GAS7: variants seen among roughly 807,000 people sequenced by gnomAD.
The protein encoded by GAS7 is growth arrest specific 7, also known as growth arrest-specific protein 7.
In GAS7, 28 loss-of-function variants were observed where a neutral mutation model predicts 71.1. The observed-to-expected ratio is 0.39, with a 90% CI of 0.29 to 0.54. The LOEUF is 0.54. Among genes scored for constraint, GAS7 ranks in the 20% least tolerant of loss-of-function variants. The probability of loss-of-function intolerance (pLI) is 0.62; values close to 1 mark genes in which losing one functional copy is unlikely to be tolerated. For missense variants in GAS7, 436 were observed against 627.8 expected, an observed-to-expected ratio of 0.69 and a Z score of 3.27; for synonymous variants, 258 against 245.8, an observed-to-expected ratio of 1.05 and a Z score of -0.46.
chr17:9,999,945 C>T (rs2071201148), intron 2 of GAS7, among the ~76,000 whole-genome samples: 1 of 152,144 alleles, frequency 6.6e-6, no homozygotes, highest in East Asian at 1.9e-4. Flanking sequence ...TTCATCCATG[C>T]AGAGGAATGG....
chr17:9,910,757 GTTA>G lies in GAS7; in HGVS notation c.*6468_*6470del. The G allele has an allele frequency of 7.6e-5, 17 of 222,338 alleles. No individual in the cohort carries two copies. Among genetic ancestry groups the G allele is most frequent in the African/African-American group, 3.6e-4 (16 of 44,630 alleles). The allele number at this position is 222,338 out of a possible 1,614,324, so 13.8% of individuals were successfully genotyped here. A position where few individuals can be genotyped will look rare whatever the true frequency, so the allele number is the denominator to read the frequency against. The stretch of plus-strand genomic sequence containing the variant: ...AGGGGGGTGGTGCGGGGGCAGGTGG[GTTA>G]CAGCCTCCACTGGGATCAGGGTTTC... On this transcript the variant is annotated 3_prime_UTR_variant, in exon 14 of 14. Coordinates refer to ENST00000432992, the MANE Select transcript of GAS7 (RefSeq NM_201433.2).
chr17:10,086,100 T>G (rs1272910188), intron 1 of GAS7, among the ~76,000 whole-genome samples: 2 of 152,080 alleles, frequency 1.3e-5, no homozygotes, highest in East Asian at 3.9e-4. Context: ...GGCGCGACCA[T>G]GAATGGGGGC....
chr17:10,056,772 ATCTCCCTCTCCCTCTCTTTCCACGG>A lies in GAS7; in HGVS notation c.184-36900_184-36876del, dbSNP rs1228313904. On this transcript the variant is annotated intron_variant, in intron 1 of 13. Transcript: ENST00000432992. ...CCTCCCCACGATCTCCCTCCCCACGATCTCCCTCTCCCTCTCTTTCCACGGTCTCCCTCTCCCTCTCTTTCCACGG... is the reference window on the plus strand; with the variant it reads ...CCTCCCCACGATCTCCCTCCCCACGATCTCCCTCTCCCTCTCTTTCCACGG... Among the ~76,000 whole-genome samples, 564 of 150,554 alleles carry A rather than the reference ATCTCCCTCTCCCTCTCTTTCCACGG, an allele frequency of 3.7e-3. 1 individual carries two copies. The highest frequency in any genetic ancestry group is 0.011 in the East Asian group (57 of 5,084).
At chr17:10,148,614 GAA>G (rs539823559) in intron 1 of GAS7, among the ~76,000 whole-genome samples, 8 of 70,380 alleles carry the variant, frequency 1.1e-4, no homozygotes, top group East Asian at 3.2e-4. Context: ...AAACACTCAA[GAA>G]AAAAAAAAAA....
chr17:10,065,279 A>C (rs2073269587), intron 1 of GAS7, among the ~76,000 whole-genome samples: 1 of 152,204 alleles, frequency 6.6e-6, no homozygotes. Flanking sequence ...TCTCTTCCAA[A>C]GATATCTGCA....
chr17:9,929,562 C>A (rs1248717056), intron 9 of GAS7, among the ~76,000 whole-genome samples: 1 of 152,182 alleles, frequency 6.6e-6, no homozygotes, highest in Non-Finnish European at 1.5e-5. Context: ...GCAAGCTCCA[C>A]CTCCCAGGTT....
At chr17:10,094,804 T>C (rs1026272842) in intron 1 of GAS7, among the ~76,000 whole-genome samples, 10 of 152,166 alleles carry the variant, frequency 6.6e-5, no homozygotes, top group African/African-American at 2.4e-4. Context: ...GCTAAAAACC[T>C]GCCTCACGAG....
At chr17:9,935,061 T>C (rs16959039) in intron 8 of GAS7, among the ~76,000 whole-genome samples, 1,936 of 152,302 alleles carry the variant, frequency 0.013, 97 homozygotes, top group East Asian at 0.097. Context: ...GAAGCTCTTT[T>C]CAAACAGCAG....
At position 10,034,513 on chromosome 17, in the gene GAS7, T is replaced by C. The variant is rs1358921056; in HGVS notation, c.184-14616A>G. The stretch of plus-strand genomic sequence containing the variant: ...TAGTAGACACGGGGTTTCACCACGT[T>C]GACCAGGCTGGCCTTGAACTCCTGA... On this transcript the variant is annotated intron_variant, in intron 1 of 13. Transcript: ENST00000432992. The surrounding 1 kb of genome is among the most constrained non-coding windows in gnomAD (Gnocchi z 4.4). Among the ~76,000 whole-genome samples the C allele has an allele frequency of 6.6e-6, 1 of 152,156 alleles. No individual in the cohort carries two copies. The highest frequency in any genetic ancestry group is 1.5e-5 in the Non-Finnish European group (1 of 68,024).
intron 1 of GAS7, among the ~76,000 whole-genome samples, chr17:10,038,217 TC>T (rs2072792692): frequency 6.6e-6 from 1 of 151,900 alleles, no homozygotes; most frequent in Non-Finnish European, 1.5e-5. Flanking sequence ...AATTAGCCAG[TC>T]GTGGTGGTGT....
In GAS7 at chr17:10,046,876, G is replaced by GGAAAAGAAAAGAAAAGAAAA. The variant is rs796639166; in HGVS notation, c.184-26999_184-26980dup. On this transcript the variant is annotated intron_variant, in intron 1 of 13. Coordinates refer to ENST00000432992, the MANE Select transcript of GAS7 (RefSeq NM_201433.2). ...AAAGAAAAGAAAAAAGAAAAGAAAA[G>GGAAAAGAAAAGAAAAGAAAA]GAAAAGAAAAGAAAAGAAAAGAAAA... Among the ~76,000 whole-genome samples the GGAAAAGAAAAGAAAAGAAAA allele has an allele frequency of 2.0e-3, 201 of 98,204 alleles. 4 individuals carry two copies. Among genetic ancestry groups the GGAAAAGAAAAGAAAAGAAAA allele is most frequent in the Middle Eastern group, 4.8e-3 (1 of 210 alleles). The allele number at this position is 98,204 out of a possible 152,430, so 64.4% of individuals were successfully genotyped here.
intron 1 of GAS7, among the ~76,000 whole-genome samples, chr17:10,024,872 C>T (rs764028354): frequency 7.9e-5 from 12 of 152,256 alleles, no homozygotes; most frequent in Admixed American, 3.9e-4. Context: ...AGAAAGGACT[C>T]GAGAAATATC....
intron 1 of GAS7, among the ~76,000 whole-genome samples, chr17:10,090,509 C>T (rs944873276): frequency 6.6e-6 from 1 of 151,836 alleles, no homozygotes. Flanking sequence ...CATACTACAC[C>T]GTCAGAATGG....
rs372537042 is a variant in GAS7 at position 10,023,843 on chromosome 17, G to T, written c.184-3946C>A. Among the ~76,000 whole-genome samples the T allele has an allele frequency of 8.5e-5, 13 of 152,190 alleles. 1 individual carries two copies. The East Asian group carries it at 1.7e-3, about 20-fold the overall frequency. ...ACCACAATTAAAAAAAAATTTTTTG[G>T]CTGGGCACGGTGGCTCACACCTGTA... On this transcript the variant is annotated intron_variant, in intron 1 of 13. Transcript: ENST00000432992.
At chr17:10,153,373 C>A (rs1197957127) in intron 1 of GAS7, among the ~76,000 whole-genome samples, 3 of 151,578 alleles carry the variant, frequency 2.0e-5, no homozygotes, top group Non-Finnish European at 4.4e-5. Flanking sequence ...AAAAATTAGC[C>A]GGGTGTGGTG....
intron 1 of GAS7, among the ~76,000 whole-genome samples, chr17:10,174,777 G>C (rs2074361044): frequency 6.6e-6 from 1 of 152,166 alleles, no homozygotes; most frequent in Non-Finnish European, 1.5e-5. Flanking sequence ...GGTTCAGACA[G>C]AATTCTTCCA....
chr17:10,159,980 T>C (rs1226257603), intron 1 of GAS7, among the ~76,000 whole-genome samples: 1 of 151,670 alleles, frequency 6.6e-6, no homozygotes, highest in African/African-American at 2.4e-5. Flanking sequence ...GGTTTCCCCA[T>C]ATTGCCCAGG....
At chr17:9,923,534 A>G (rs1443287492) in intron 11 of GAS7, among the ~76,000 whole-genome samples, 1 of 152,254 alleles carries the variant, frequency 6.6e-6, no homozygotes, top group Non-Finnish European at 1.5e-5. Context: ...AGAAAGTACA[A>G]CAATGATTTA....
chr17:10,154,913 T>TACACACACACACACACACAC (rs57604032), intron 1 of GAS7, among the ~76,000 whole-genome samples: 14 of 142,038 alleles, frequency 9.9e-5, no homozygotes, highest in African/African-American at 3.7e-4. Context: ...AACCCCAGGC[T>TACACACACACACACACACAC]ACACACACAC....
Sources: allele counts gnomAD v4.1 joint callset (sites outside exome capture counted in the v4.1 genomes callset), GRCh38; gene constraint gnomAD v4.1.1; non-coding constraint Gnocchi (gnomAD v3.1); transcripts MANE v1.5; gene names NCBI Gene and HGNC (gene_info 2026-07-23, HGNC 2026-07-21).